The following CCDC30 variants were observed in gnomAD, a reference collection of about 807,000 sequenced individuals.
CCDC30 encodes the protein coiled-coil domain containing 30.
In CCDC30, 70 loss-of-function variants were observed where a neutral mutation model predicts 100.2. The observed-to-expected ratio is 0.70, with a 90% CI of 0.58 to 0.85. The LOEUF (loss-of-function observed/expected upper bound fraction) is 0.85. Among genes scored for constraint, CCDC30 ranks in the 40% least tolerant of loss-of-function variants. The pLI is 0.00. For synonymous variants in CCDC30, 233 were observed against 269.5 expected, an observed-to-expected ratio of 0.86 and a Z score of 1.33; for missense variants, 652 against 771.2, an observed-to-expected ratio of 0.85 and a Z score of 1.83.
At chr1:42,589,613 C>T (rs1646144936) in intron 10 of CCDC30, 130 bp downstream of exon 14, 1 of 751,958 alleles carries the variant, frequency 1.3e-6, no homozygotes, top group East Asian at 2.5e-5. Context: ...GTAGAATCTA[C>T]TCTAGGTATT....
At chr1:42,472,496 TTAGGGGCCTCTC>T (rs1381187365) in intron 1 of CCDC30, among the ~76,000 whole-genome samples, 1 of 152,126 alleles carries the variant, frequency 6.6e-6, no homozygotes, top group African/African-American at 2.4e-5. Context: ...TAGTATAGAA[TTAGGGGCCTCTC>T]TAGCTTCCAG....
the CCDC30 span, chr1:42,456,942 C>T: frequency 1.2e-6 from 2 of 1,606,916 alleles, no homozygotes; most frequent in Non-Finnish European, 1.7e-6. Context: ...AATGCACTTC[C>T]GGGTTTTGCT....
At chr1:42,519,205 T>C (rs1270496529) in intron 6 of CCDC30, among the ~76,000 whole-genome samples, 1 of 152,222 alleles carries the variant, frequency 6.6e-6, no homozygotes, top group East Asian at 1.9e-4. Context: ...TGAGGATTTT[T>C]TCATCAACGT....
intron 10 of CCDC30, among the ~76,000 whole-genome samples, chr1:42,599,300 A>G (rs1369674870): frequency 6.6e-6 from 1 of 152,214 alleles, no homozygotes; most frequent in Non-Finnish European, 1.5e-5. Flanking sequence ...TCTTCTTATT[A>G]TAAGGTACTC....
chr1:42,649,288 T>A (rs927841085), intron 15 of CCDC30, among the ~76,000 whole-genome samples: 1 of 152,190 alleles, frequency 6.6e-6, no homozygotes, highest in African/African-American at 2.4e-5. Context: ...AATACAAGGA[T>A]GGCTCAACAT....
chr1:42,578,084 A>T (rs1166401606), intron 8 of CCDC30, among the ~76,000 whole-genome samples: 1 of 152,112 alleles, frequency 6.6e-6, no homozygotes, highest in Non-Finnish European at 1.5e-5. Context: ...TTCATTTTAG[A>T]TTGCCCGACA....
the CCDC30 span, chr1:42,457,286 AT>A: frequency 1.5e-5 from 24 of 1,614,122 alleles, no homozygotes; most frequent in Admixed American, 3.7e-4. Flanking sequence ...GCTGTGTCAG[AT>A]TTCTATGTTC....
intron 12 of CCDC30, 32 bp downstream of exon 16, chr1:42,637,410 T>A (rs1647182076): frequency 6.3e-7 from 1 of 1,595,456 alleles, no homozygotes; most frequent in African/African-American, 1.4e-5. Context: ...AAGAGCTCAC[T>A]GGTGATTCCC....
At chr1:42,503,096 G>A (rs940537038) in intron 6 of CCDC30, among the ~76,000 whole-genome samples, 7 of 152,068 alleles carry the variant, frequency 4.6e-5, no homozygotes, top group African/African-American at 1.4e-4. Flanking sequence ...TGTCACCCAG[G>A]CTAGTTTCAA....
At chr1:42,499,818 A>G (rs112415676) in intron 6 of CCDC30, among the ~76,000 whole-genome samples, 3,125 of 149,622 alleles carry the variant, frequency 0.021, 122 homozygotes, top group African/African-American at 0.072. Flanking sequence ...TTATTTGCGT[A>G]TTTAAAATAT....
intron 6 of CCDC30, chr1:42,533,827 A>G (rs988709637): frequency 6.6e-6 from 1 of 152,270 alleles, no homozygotes; most frequent in Non-Finnish European, 1.5e-5. Context: ...GCATTAGGTG[A>G]TCCCCACCTT....
At chr1:42,643,281 AG>A (rs779931287) in intron 13 of CCDC30, among the ~76,000 whole-genome samples, 3 of 152,318 alleles carry the variant, frequency 2.0e-5, no homozygotes, top group East Asian at 3.9e-4. Flanking sequence ...AGGTCTAGAG[AG>A]GTGAGGGAAC....
chr1:42,626,326 G>T (rs1646933153), intron 11 of CCDC30, among the ~76,000 whole-genome samples: 1 of 152,036 alleles, frequency 6.6e-6, no homozygotes, highest in African/African-American at 2.4e-5. Flanking sequence ...TATGTCTTTT[G>T]ATTGGAAGGT....
intron 4 of CCDC30, among the ~76,000 whole-genome samples, 199 bp downstream of exon 4, chr1:42,490,428 T>A (rs946720020): frequency 1.3e-5 from 2 of 150,938 alleles, no homozygotes; most frequent in Admixed American, 6.6e-5. Flanking sequence ...AAATTATTAT[T>A]TAATAATAAT....
chr1:42,524,510 G>T (rs1256294976), intron 6 of CCDC30, among the ~76,000 whole-genome samples: 1 of 152,158 alleles, frequency 6.6e-6, no homozygotes, highest in Admixed American at 6.5e-5. Flanking sequence ...GGAGGGGCTT[G>T]CAACAATGGG....
chr1:42,550,016 T>C (rs1043195274), intron 6 of CCDC30, among the ~76,000 whole-genome samples: 3 of 152,220 alleles, frequency 2.0e-5, no homozygotes, highest in Non-Finnish European at 4.4e-5. Context: ...TCTGTCTCCT[T>C]CACAGACTAC....
intron 15 of CCDC30, among the ~76,000 whole-genome samples, chr1:42,647,582 A>T (rs1647990468): frequency 6.6e-6 from 1 of 152,220 alleles, no homozygotes; most frequent in Non-Finnish European, 1.5e-5. Flanking sequence ...GACCTAGTAG[A>T]TCTAACTGAC....
chr1:42,493,108 C>T lies in CCDC30; in HGVS notation c.241+2879C>T, dbSNP rs533149705. Among the ~76,000 whole-genome samples, 5 of 152,046 alleles carry T rather than the reference C, an allele frequency of 3.3e-5. No homozygotes were observed. The East Asian group carries it at 7.7e-4, about 23-fold the overall frequency. ...AATTTTATAGTATTTAATGTTTATA[C>T]TAGAAATCAAGAAAGGACTCAAAAT... On this transcript the variant is annotated intron_variant, in intron 4 of 16. Coordinates refer to ENST00000668663, the Ensembl canonical transcript of CCDC30.
intron 4 of CCDC30, chr1:42,492,001 C>G (rs1291673906): frequency 1.4e-6 from 1 of 699,854 alleles, no homozygotes; most frequent in African/African-American, 1.8e-5. Flanking sequence ...AAGCTGATTG[C>G]TGAAGATGTT....
Sources: gnomAD v4.1 joint callset for allele counts (sites outside exome capture counted in the v4.1 genomes callset) on GRCh38, gnomAD v4.1.1 for gene constraint, MANE v1.5 for transcripts, NCBI Gene and HGNC (gene_info 2026-07-23, HGNC 2026-07-21) for gene names.